GALNTL6: variants seen among roughly 807,000 people sequenced by gnomAD.
The protein encoded by GALNTL6 is polypeptide N-acetylgalactosaminyltransferase-like 6.
GALNTL6 carries 46 observed loss-of-function variants against 73.7 expected under a neutral mutation model. The observed-to-expected ratio is 0.62, with a 90% CI of 0.49 to 0.80. GALNTL6 has a LOEUF of 0.80. Among genes scored for constraint, GALNTL6 ranks in the 30% least tolerant of loss-of-function variants. The probability of loss-of-function intolerance (pLI) is 0.00; values close to 1 mark genes in which losing one functional copy is unlikely to be tolerated. For synonymous variants in GALNTL6, 259 were observed against 263.7 expected, an observed-to-expected ratio of 0.98 and a Z score of 0.17; for missense variants, 604 against 755.0, an observed-to-expected ratio of 0.80 and a Z score of 2.34.
chr4:172,216,540 T>A (rs1220010923), intron 2 of GALNTL6, among the ~76,000 whole-genome samples: 1 of 152,216 alleles, frequency 6.6e-6, no homozygotes, highest in Non-Finnish European at 1.5e-5. Flanking sequence ...AAGTGTAATT[T>A]TTTTTTGTAT....
intron 2 of GALNTL6, among the ~76,000 whole-genome samples, chr4:172,054,273 G>A (rs1730958568): frequency 6.6e-6 from 1 of 152,008 alleles, no homozygotes; most frequent in South Asian, 2.1e-4. Flanking sequence ...TTATAACAGG[G>A]TTTTCAATCA....
intron 2 of GALNTL6, among the ~76,000 whole-genome samples, chr4:172,145,951 G>T (rs1443332442): frequency 1.3e-5 from 2 of 152,106 alleles, no homozygotes; most frequent in Admixed American, 1.3e-4. Flanking sequence ...GGCAATTTTG[G>T]ACAAGGAACT....
At chr4:172,078,031 A>T (rs1202392258) in intron 2 of GALNTL6, among the ~76,000 whole-genome samples, 2 of 152,132 alleles carry the variant, frequency 1.3e-5, no homozygotes, top group Non-Finnish European at 2.9e-5. Flanking sequence ...GGTGGCTTCC[A>T]TGTGGTGTTG....
In GALNTL6 at chr4:172,744,705, C is replaced by T. The variant is rs1033187349; in HGVS notation, c.554-64656C>T. 5.3e-5 allele frequency among the ~76,000 whole-genome samples: 8 copies of T among 152,226 alleles called. No homozygotes were observed. In the East Asian group the frequency reaches 1.4e-3, roughly 26 times the overall value. On this transcript the variant is annotated intron_variant, in intron 5 of 12. Transcript: ENST00000506823. ...TGGTGACTGCCTCCACCTTTTCTCT[C>T]TCGTGGTGAAAGACTTATCTCTCAG...
intron 9 of GALNTL6, among the ~76,000 whole-genome samples, chr4:172,943,181 G>A (rs1393180420): frequency 6.6e-6 from 1 of 151,332 alleles, no homozygotes; most frequent in Admixed American, 6.6e-5. Context: ...TGCTTTGGGA[G>A]AAGCCAGCAC....
chr4:172,597,685 C>G (rs1335000803), intron 5 of GALNTL6, among the ~76,000 whole-genome samples: 2 of 152,146 alleles, frequency 1.3e-5, no homozygotes, highest in Non-Finnish European at 1.5e-5. Context: ...TCTCTACATT[C>G]AGCCAAGTTT....
chr4:172,203,127 A>T (rs551171619), intron 2 of GALNTL6, among the ~76,000 whole-genome samples: 1 of 152,224 alleles, frequency 6.6e-6, no homozygotes, highest in Non-Finnish European at 1.5e-5. Context: ...TGAAGTTCAG[A>T]CTAAACAGCA....
At chr4:172,827,460 G>A (rs1742328049) in intron 7 of GALNTL6, among the ~76,000 whole-genome samples, 1 of 152,150 alleles carries the variant, frequency 6.6e-6, no homozygotes, top group Admixed American at 6.5e-5. Context: ...TTACTTAGAG[G>A]TATCTGCAAA....
intron 3 of GALNTL6, among the ~76,000 whole-genome samples, chr4:172,263,647 C>T (rs1738332413): frequency 6.6e-6 from 1 of 151,160 alleles, no homozygotes; most frequent in South Asian, 2.1e-4. Flanking sequence ...TTCTATTTTT[C>T]CCCAATATTT....
At chr4:172,496,990 A>C (rs1201973354) in intron 5 of GALNTL6, among the ~76,000 whole-genome samples, 1 of 152,230 alleles carries the variant, frequency 6.6e-6, no homozygotes, top group African/African-American at 2.4e-5. Flanking sequence ...TGTAGTTTGA[A>C]AATAAAATGT....
chr4:172,742,908 TAC>T (rs1482557599), intron 5 of GALNTL6, among the ~76,000 whole-genome samples: 1 of 152,032 alleles, frequency 6.6e-6, no homozygotes, highest in African/African-American at 2.4e-5. Flanking sequence ...GTCACCTCCT[TAC>T]ACAGTTTACT....
At chr4:171,950,876 G>A (rs1738857164) in intron 2 of GALNTL6, among the ~76,000 whole-genome samples, 1 of 151,936 alleles carries the variant, frequency 6.6e-6, no homozygotes, top group African/African-American at 2.4e-5. Flanking sequence ...TTAAATTATG[G>A]AATGGGTGTA....
chr4:172,563,625 A>G (rs1736456674), intron 5 of GALNTL6, among the ~76,000 whole-genome samples: 1 of 152,212 alleles, frequency 6.6e-6, no homozygotes, highest in African/African-American at 2.4e-5. Flanking sequence ...TGAAATACAT[A>G]TTTTAAACAG....
At chr4:172,913,585 C>T (rs1462649191) in intron 8 of GALNTL6, among the ~76,000 whole-genome samples, 1 of 152,078 alleles carries the variant, frequency 6.6e-6, no homozygotes, top group African/African-American at 2.4e-5. Flanking sequence ...ACGAGAACTA[C>T]GTGACGCATG....
At position 172,591,740 on chromosome 4, in the gene GALNTL6, T is replaced by C. The variant is rs1362296072; in HGVS notation, c.554-217621T>C. Reference sequence around the variant, plus strand: ...GTGACTCCATCATCTTCATCATCTCTCATTTCGTAAAATCTTTGCCACAGA... The same window carrying C: ...GTGACTCCATCATCTTCATCATCTCCCATTTCGTAAAATCTTTGCCACAGA... On this transcript the variant is annotated intron_variant, in intron 5 of 12. Coordinates refer to ENST00000506823, the MANE Select transcript of GALNTL6 (RefSeq NM_001034845.3). 2.0e-5 allele frequency among the ~76,000 whole-genome samples: 3 copies of C among 152,302 alleles called. No individual in the cohort carries two copies. In the East Asian group the frequency reaches 5.8e-4, roughly 29 times the overall value.
intron 8 of GALNTL6, among the ~76,000 whole-genome samples, chr4:172,890,739 ATTTC>A (rs759652288): frequency 3.9e-5 from 6 of 152,224 alleles, no homozygotes; most frequent in South Asian, 2.1e-4. Flanking sequence ...TAAGTCCAGA[ATTTC>A]TTTGTTAGTT....
At position 172,641,644 on chromosome 4, in the gene GALNTL6, C is replaced by T. The variant is rs76093429; in HGVS notation, c.554-167717C>T. ...ATTGGCTACTGCTCCTAAGCCCTGC[C>T]CACCCTATCCCACCACCCTCAACCT... On this transcript the variant is annotated intron_variant, in intron 5 of 12. Transcript: ENST00000506823. 9.0e-3 allele frequency among the ~76,000 whole-genome samples: 1,370 copies of T among 152,150 alleles called. 23 individuals carry two copies. Among genetic ancestry groups the T allele is most frequent in the African/African-American group, 0.031 (1,271 of 41,530 alleles).
chr4:172,824,185 G>C (rs959150613), intron 7 of GALNTL6, among the ~76,000 whole-genome samples: 12 of 152,168 alleles, frequency 7.9e-5, no homozygotes, highest in African/African-American at 2.9e-4. Context: ...TGCCGTTGAA[G>C]CCTGCAGTAT....
chr4:173,016,459 T>C lies in GALNTL6; in HGVS notation c.1489-5017T>C, dbSNP rs181440181. On this transcript the variant is annotated intron_variant, in intron 11 of 12. Transcript: ENST00000506823. ...GTCCAAGGCCATGGAAGCCCACTTC[T>C]TGCATCAGCATAACCTGGATGTGAG... Among the ~76,000 whole-genome samples, 390 of 152,340 alleles carry C rather than the reference T, an allele frequency of 2.6e-3. 1 individual carries two copies. The highest frequency in any genetic ancestry group is 4.3e-3 in the Non-Finnish European group (292 of 68,032).
Sources: allele counts gnomAD v4.1 joint callset (sites outside exome capture counted in the v4.1 genomes callset), GRCh38; gene constraint gnomAD v4.1.1; transcripts MANE v1.5; gene names NCBI Gene and HGNC (gene_info 2026-07-23, HGNC 2026-07-21).